Variants in SPON1 observed in about 807,000 individuals in gnomAD.
SPON1 encodes spondin 1, also known as spondin-1.
Under a neutral mutation model 111.7 loss-of-function variants are expected in SPON1, and 52 were observed. The observed-to-expected ratio is 0.47, with a 90% CI of 0.37 to 0.59. The LOEUF (loss-of-function observed/expected upper bound fraction) is 0.59, where lower values mean the gene tolerates loss of function less well. Ranked by LOEUF, SPON1 falls within the 20% of genes least tolerant of loss-of-function variation. SPON1 has a pLI of 0.00. For synonymous variants in SPON1, 410 were observed against 395.8 expected (o/e 1.04, Z -0.43); for missense variants, 957 against 1,068.5 (o/e 0.90, Z 1.46).
At chr11:14,213,616 A>C (rs1251210727) in intron 6 of SPON1, among the ~76,000 whole-genome samples, 1 of 152,224 alleles carries the variant, frequency 6.6e-6, no homozygotes, top group Non-Finnish European at 1.5e-5. Flanking sequence ...TCTATGTACA[A>C]AGCTATATGC....
chr11:14,098,248 G>A (rs183482561), intron 5 of SPON1, among the ~76,000 whole-genome samples: 71 of 152,276 alleles, frequency 4.7e-4, no homozygotes, highest in Admixed American at 3.7e-3. Flanking sequence ...CGCCTGCCTC[G>A]GCCTCCCAAA....
chr11:14,222,518 T>C (rs1554937683), intron 6 of SPON1, among the ~76,000 whole-genome samples: 1 of 152,158 alleles, frequency 6.6e-6, no homozygotes, highest in East Asian at 1.9e-4. Flanking sequence ...TGAGTAGACT[T>C]AGAAAGCCTC....
intron 2 of SPON1, among the ~76,000 whole-genome samples, chr11:14,022,142 G>T (rs191012489): frequency 6.6e-6 from 1 of 152,194 alleles, no homozygotes; most frequent in Non-Finnish European, 1.5e-5. Context: ...GCAGAGGGTC[G>T]TTATGAATTG....
intron 2 of SPON1, 30 bp downstream of exon 2, chr11:13,982,983 C>T (rs782111019): frequency 3.5e-6 from 5 of 1,411,796 alleles, no homozygotes; most frequent in Non-Finnish European, 4.9e-6. Flanking sequence ...TATTCAGTGG[C>T]CCTCCCTGCC....
rs189267921 is a variant in SPON1 at position 14,259,925 on chromosome 11, G to A, written c.1831+224G>A. Among the ~76,000 whole-genome samples, 43 of 152,220 alleles carry A rather than the reference G, an allele frequency of 2.8e-4. No homozygotes were observed. Among genetic ancestry groups the A allele is most frequent in the African/African-American group, 1.0e-3 (43 of 41,458 alleles). On this transcript the variant is annotated intron_variant, in intron 13 of 15. Transcript: ENST00000576479. This position sits in a 1 kb window ranked among gnomAD's most constrained non-coding sequence, Gnocchi z 5.0. The stretch of plus-strand genomic sequence containing the variant: ...ACTGGGGGACATTCTAAGCAATGCT[G>A]GGGTGGCAAACTGGTGGCCTCTGGA...
intron 14 of SPON1, 23 bp from the exon 15 acceptor site, chr11:14,262,689 C>G: frequency 6.2e-7 from 1 of 1,613,676 alleles, no homozygotes; most frequent in South Asian, 1.1e-5. Context: ...GTGATACACT[C>G]ATGCCCATCT....
chr11:14,075,079 T>C (rs1217045117), intron 3 of SPON1, among the ~76,000 whole-genome samples: 1 of 152,186 alleles, frequency 6.6e-6, no homozygotes, highest in Non-Finnish European at 1.5e-5. Context: ...ACAATAACCT[T>C]ACCACCAAAA....
At chr11:13,989,355 T>G (rs1848209856) in intron 2 of SPON1, among the ~76,000 whole-genome samples, 1 of 152,252 alleles carries the variant, frequency 6.6e-6, no homozygotes, top group South Asian at 2.1e-4. Flanking sequence ...TATAGTGTTC[T>G]CTGATGGTAG....
rs141660623 is a variant in SPON1 at position 14,135,145 on chromosome 11, A to G, written c.677-275A>G. 332 of 305,158 alleles carry G rather than the reference A, an allele frequency of 1.1e-3. 9 individuals carry two copies. In the East Asian group the frequency reaches 0.017, roughly 16 times the overall value. The allele number at this position is 305,158 out of a possible 1,614,324, so 18.9% of individuals were successfully genotyped here. ...ATCAGCCTTTAACGTTCTCTCAACT[A>G]TCCCCTTCTCTGAGACCTTCCTAGA... On this transcript the variant is annotated intron_variant, in intron 5 of 15. Coordinates refer to ENST00000576479, the MANE Select transcript of SPON1 (RefSeq NM_006108.4). This position sits in a 1 kb window ranked among gnomAD's most constrained non-coding sequence, Gnocchi z 4.4.
At chr11:14,105,705 G>T (rs1554924840) in intron 5 of SPON1, among the ~76,000 whole-genome samples, 1 of 151,806 alleles carries the variant, frequency 6.6e-6, no homozygotes, top group Non-Finnish European at 1.5e-5. Context: ...ATGATGATAT[G>T]GCTGCTATTT....
At chr11:14,029,370 CA>C (rs1554915750) in intron 2 of SPON1, among the ~76,000 whole-genome samples, 1 of 152,126 alleles carries the variant, frequency 6.6e-6, no homozygotes, top group Admixed American at 6.6e-5. Context: ...TATCAATGCA[CA>C]GTGATTATAA....
At chr11:14,151,566 T>C (rs1554929921) in intron 6 of SPON1, among the ~76,000 whole-genome samples, 1 of 152,042 alleles carries the variant, frequency 6.6e-6, no homozygotes, top group Non-Finnish European at 1.5e-5. Context: ...AGCACAGAGA[T>C]GAATAAGACC....
At chr11:13,981,750 C>A (rs541505390) in intron 1 of SPON1, among the ~76,000 whole-genome samples, 1 of 152,180 alleles carries the variant, frequency 6.6e-6, no homozygotes, top group South Asian at 2.1e-4. Flanking sequence ...CCAGCTCATG[C>A]GAAGTACAGT....
chr11:14,005,221 T>C (rs1848350000), intron 2 of SPON1, among the ~76,000 whole-genome samples: 1 of 152,220 alleles, frequency 6.6e-6, no homozygotes, highest in Admixed American at 6.5e-5. Context: ...CAGATAATTC[T>C]TTGTTGTTGG....
intron 5 of SPON1, among the ~76,000 whole-genome samples, chr11:14,086,041 T>G (rs1430344260): frequency 6.6e-6 from 1 of 152,098 alleles, no homozygotes; most frequent in Non-Finnish European, 1.5e-5. Context: ...GCTTGAGATT[T>G]TAAGCTGAGA....
chr11:14,026,892 TGTAA>T (rs782182925), intron 2 of SPON1, among the ~76,000 whole-genome samples: 3 of 152,240 alleles, frequency 2.0e-5, no homozygotes, highest in Non-Finnish European at 4.4e-5. Flanking sequence ...TCTTTTGACA[TGTAA>T]GTGAGACCAG....
chr11:14,205,287 C>G (rs1180209885), intron 6 of SPON1, among the ~76,000 whole-genome samples: 1 of 152,196 alleles, frequency 6.6e-6, no homozygotes, highest in Non-Finnish European at 1.5e-5. Context: ...AATCTTGGAT[C>G]AGTCTGCACA....
intron 5 of SPON1, among the ~76,000 whole-genome samples, chr11:14,122,933 A>ATTTTT (rs34948884): frequency 2.0e-4 from 27 of 132,562 alleles, no homozygotes; most frequent in African/African-American, 6.3e-4. Flanking sequence ...TGCTCTTGTA[A>ATTTTT]TTTTTTTTTT....
intron 6 of SPON1, among the ~76,000 whole-genome samples, chr11:14,232,210 C>G (rs571108854): frequency 6.6e-6 from 1 of 152,040 alleles, no homozygotes; most frequent in Non-Finnish European, 1.5e-5. Flanking sequence ...CTGGCCCTCC[C>G]CCTCACCCTT....
Sources: allele counts gnomAD v4.1 joint callset (sites outside exome capture counted in the v4.1 genomes callset), GRCh38; gene constraint gnomAD v4.1.1; non-coding constraint Gnocchi (gnomAD v3.1); transcripts MANE v1.5; gene names NCBI Gene and HGNC (gene_info 2026-07-23, HGNC 2026-07-21).